The following XIRP2 variants were observed in gnomAD, a reference collection of about 807,000 sequenced individuals.
XIRP2 encodes the protein xin actin-binding repeat-containing protein 2.
XIRP2 carries 236 observed loss-of-function variants against 277.0 expected under a neutral mutation model. The ratio of observed to expected loss-of-function variants is 0.85; its 90% CI spans 0.77 to 0.95. The LOEUF (loss-of-function observed/expected upper bound fraction) is 0.95, where lower values mean the gene tolerates loss of function less well. XIRP2 is among the 40% of genes least tolerant of loss of function. The pLI, the probability that XIRP2 is intolerant of heterozygous loss-of-function variation, is 0.00. For synonymous variants in XIRP2, 1,490 were observed against 1,416.5 expected (o/e 1.05, Z -1.17); for missense variants, 4,640 against 4,157.5 (o/e 1.12, Z -3.19).
intron 2 of XIRP2, among the ~76,000 whole-genome samples, chr2:167,031,866 T>C (rs1688369390): frequency 6.6e-6 from 1 of 151,998 alleles, no homozygotes; most frequent in Non-Finnish European, 1.5e-5. Context: ...ATCGTGAAAA[T>C]GGCCATACTG....
chr2:167,183,747 GT>G (rs1001541312), intron 3 of XIRP2, among the ~76,000 whole-genome samples: 72 of 145,424 alleles, frequency 5.0e-4, no homozygotes, highest in Middle Eastern at 3.6e-3. Flanking sequence ...TCCTTGAAAA[GT>G]TTTTTTTTTT....
intron 2 of XIRP2, among the ~76,000 whole-genome samples, chr2:166,921,373 TG>T (rs1685034633): frequency 6.6e-6 from 1 of 152,136 alleles, no homozygotes; most frequent in Non-Finnish European, 1.5e-5. Flanking sequence ...TGCTATCATT[TG>T]GTGTTCTCAG....
intron 2 of XIRP2, among the ~76,000 whole-genome samples, chr2:166,958,249 G>A (rs1161115803): frequency 1.3e-5 from 2 of 151,916 alleles, no homozygotes; most frequent in Non-Finnish European, 2.9e-5. Context: ...CAATTAAAAT[G>A]CTTGGAAAAT....
At chr2:166,922,568 T>C (rs539487718) in intron 2 of XIRP2, among the ~76,000 whole-genome samples, 1 of 151,958 alleles carries the variant, frequency 6.6e-6, no homozygotes, top group Non-Finnish European at 1.5e-5. Context: ...TTTTGCATAA[T>C]ATTTGACCCA....
At chr2:167,233,623 G>T (rs1011387146) in intron 5 of XIRP2, among the ~76,000 whole-genome samples, 2 of 151,722 alleles carry the variant, frequency 1.3e-5, no homozygotes, top group African/African-American at 4.8e-5. Flanking sequence ...GTAATCAAGA[G>T]GTAGAGTTCT....
In XIRP2 at chr2:167,243,287, A is replaced by G; in HGVS notation, c.1895A>G (p.Tyr632Cys). The change falls in exon 9 of 11, where the codon TAT becomes TGT. Residue 632 changes from tyrosine to cysteine, a missense_variant. Coordinates refer to ENST00000409195, the MANE Select transcript of XIRP2 (RefSeq NM_152381.6). Reference protein sequence around the residue: ...ETQPIDTLGAYSSDTVENAEK... With the variant: ...ETQPIDTLGACSSDTVENAEK... ...CAACCCATCGACACACTTGGGGCTTATTCTTCTGACACTGTAGAAAATGCA... is the reference window on the plus strand; with the variant it reads ...CAACCCATCGACACACTTGGGGCTTGTTCTTCTGACACTGTAGAAAATGCA... The G allele has an allele frequency of 6.2e-7, 1 of 1,613,740 alleles. No homozygotes were observed. Among genetic ancestry groups the G allele is most frequent in the Non-Finnish European group, 8.5e-7 (1 of 1,179,804 alleles).
chr2:167,029,151 G>T (rs1028417169), intron 2 of XIRP2, among the ~76,000 whole-genome samples: 1 of 151,780 alleles, frequency 6.6e-6, no homozygotes, highest in Non-Finnish European at 1.5e-5. Flanking sequence ...TAGAAAGTTT[G>T]TTCAAGAACA....
At chr2:167,202,535 G>A (rs771902508) in intron 3 of XIRP2, among the ~76,000 whole-genome samples, 1 of 152,094 alleles carries the variant, frequency 6.6e-6, no homozygotes, top group Non-Finnish European at 1.5e-5. Flanking sequence ...TCAGGTAGGC[G>A]GACATTTCTT....
chr2:167,076,512 CAG>C (rs1689577191), intron 2 of XIRP2, among the ~76,000 whole-genome samples: 1 of 152,060 alleles, frequency 6.6e-6, no homozygotes, highest in Non-Finnish European at 1.5e-5. Context: ...AGCTGATACA[CAG>C]AAAAATAAAT....
chr2:166,963,619 C>T (rs573832676), intron 2 of XIRP2, among the ~76,000 whole-genome samples: 66 of 151,842 alleles, frequency 4.3e-4, no homozygotes, highest in African/African-American at 1.4e-3. Context: ...GAGAAATCCA[C>T]ATACAGGGAT....
chr2:167,179,652 T>C (rs1167375508), intron 3 of XIRP2, among the ~76,000 whole-genome samples: 1 of 151,786 alleles, frequency 6.6e-6, no homozygotes, highest in East Asian at 1.9e-4. Context: ...ATTTTTTTTT[T>C]TTTTTTGAGA....
chr2:167,123,096 G>A (rs575516195), intron 2 of XIRP2, among the ~76,000 whole-genome samples: 1 of 152,188 alleles, frequency 6.6e-6, no homozygotes, highest in Non-Finnish European at 1.5e-5. Context: ...CATTTTGATC[G>A]GGGATTATAA....
At chr2:167,079,874 A>G (rs1689680659) in intron 2 of XIRP2, among the ~76,000 whole-genome samples, 1 of 151,810 alleles carries the variant, frequency 6.6e-6, no homozygotes, top group Non-Finnish European at 1.5e-5. Context: ...TTCTTCTGCT[A>G]GCTTTGGGAT....
At chr2:167,255,253 T>C (rs1165094153) in intron 10 of XIRP2, among the ~76,000 whole-genome samples, 1 of 151,910 alleles carries the variant, frequency 6.6e-6, no homozygotes, top group Non-Finnish European at 1.5e-5. Context: ...AATCTCTCTG[T>C]GCATCAGATG....
chr2:167,005,814 G>A (rs938286928), intron 2 of XIRP2, among the ~76,000 whole-genome samples: 4 of 151,428 alleles, frequency 2.6e-5, no homozygotes, highest in African/African-American at 9.7e-5. Context: ...TACACAACTG[G>A]CTGTTTGCTG....
intron 3 of XIRP2, among the ~76,000 whole-genome samples, chr2:167,165,591 G>A (rs1228881030): frequency 6.6e-6 from 1 of 152,192 alleles, no homozygotes; most frequent in Non-Finnish European, 1.5e-5. Context: ...GTTCTTTGAC[G>A]ATGATGTGGA....
intron 3 of XIRP2, among the ~76,000 whole-genome samples, chr2:167,157,980 G>A (rs1001948278): frequency 2.6e-5 from 4 of 152,006 alleles, no homozygotes; most frequent in Non-Finnish European, 4.4e-5. Flanking sequence ...AAAATAAAAG[G>A]CATTAAATAT....
chr2:167,146,324 A>C (rs1007847462), intron 3 of XIRP2, among the ~76,000 whole-genome samples: 21 of 151,962 alleles, frequency 1.4e-4, no homozygotes, highest in Admixed American at 9.8e-4. Flanking sequence ...ACATGGTGAA[A>C]CCCCATCTCT....
chr2:167,240,646 A>T lies in XIRP2; in HGVS notation c.970-18A>T, dbSNP rs780638537. The T allele has an allele frequency of 1.4e-5, 22 of 1,609,530 alleles. No individual in the cohort carries two copies. The South Asian group carries it at 2.4e-4, about 18-fold the overall frequency. On this transcript the variant is annotated intron_variant, in intron 6 of 10. Coordinates refer to ENST00000409195, the MANE Select transcript of XIRP2 (RefSeq NM_152381.6). The stretch of plus-strand genomic sequence containing the variant: ...ACTTCTTAAAAACAATTTATTTTCA[A>T]ATTCTCTTTAAATACAGGTCTCTCA...
Sources: allele counts gnomAD v4.1 joint callset (sites outside exome capture counted in the v4.1 genomes callset), GRCh38; gene constraint gnomAD v4.1.1; transcripts MANE v1.5; gene names NCBI Gene and HGNC (gene_info 2026-07-23, HGNC 2026-07-21).